Variants in SLC44A1 observed in about 807,000 individuals in gnomAD.
SLC44A1 encodes choline transporter-like protein 1.
SLC44A1 carries 26 observed loss-of-function variants against 79.3 expected under a neutral mutation model. The observed-to-expected ratio is 0.33, with a 90% confidence interval of 0.24 to 0.46. The LOEUF is 0.46. Among genes scored for constraint, SLC44A1 ranks in the 20% least tolerant of loss-of-function variants. SLC44A1 has a pLI of 1.00. For synonymous variants in SLC44A1, 263 were observed against 286.2 expected (o/e 0.92, Z 0.82); for missense variants, 688 against 798.1 (o/e 0.86, Z 1.66).
At chr9:105,301,884 C>A (rs1284673755) in intron 2 of SLC44A1, among the ~76,000 whole-genome samples, 1 of 152,180 alleles carries the variant, frequency 6.6e-6, no homozygotes, top group Non-Finnish European at 1.5e-5. Flanking sequence ...TCTTAGTAAT[C>A]TTGCAGCCTG....
chr9:105,314,712 T>A (rs577089363), intron 3 of SLC44A1, among the ~76,000 whole-genome samples: 47 of 152,324 alleles, frequency 3.1e-4, no homozygotes, highest in African/African-American at 1.0e-3. Flanking sequence ...CGGAGGATGA[T>A]AGCATCTATG....
chr9:105,355,218 C>A (rs537371575), intron 5 of SLC44A1, among the ~76,000 whole-genome samples: 44 of 152,278 alleles, frequency 2.9e-4, no homozygotes, highest in African/African-American at 1.0e-3. Flanking sequence ...ATTCGTAGTT[C>A]TTTGCTTAAA....
chr9:105,314,577 C>T (rs1831269231), intron 3 of SLC44A1, among the ~76,000 whole-genome samples: 1 of 152,052 alleles, frequency 6.6e-6, no homozygotes, highest in Admixed American at 6.6e-5. Flanking sequence ...TCTTTTTTAT[C>T]TTCTTGTCTT....
chr9:105,362,648 A>G (rs1381071881), intron 8 of SLC44A1, among the ~76,000 whole-genome samples, 173 bp from the exon 9 acceptor site: 1 of 152,244 alleles, frequency 6.6e-6, no homozygotes, highest in African/African-American at 2.4e-5. Context: ...TAACCATAAT[A>G]TAAAATTGAC....
chr9:105,278,227 AT>A (rs112367294), intron 1 of SLC44A1, among the ~76,000 whole-genome samples: 1 of 150,190 alleles, frequency 6.7e-6, no homozygotes, highest in South Asian at 2.1e-4. Context: ...CGCCTGGCTA[AT>A]TTTTTTTTCT....
intron 4 of SLC44A1, among the ~76,000 whole-genome samples, chr9:105,340,182 A>T (rs896224348): frequency 1.3e-5 from 2 of 152,260 alleles, no homozygotes; most frequent in East Asian, 3.8e-4. Context: ...ACAGTCAATT[A>T]TATGTTATGC....
chr9:105,341,044 T>C (rs1827071119), intron 4 of SLC44A1, among the ~76,000 whole-genome samples: 1 of 152,042 alleles, frequency 6.6e-6, no homozygotes, highest in Admixed American at 6.6e-5. Context: ...AATATAAAAA[T>C]GTGAGGGCTG....
chr9:105,410,033 A>G (rs1829075253), intron 15 of SLC44A1, among the ~76,000 whole-genome samples: 1 of 152,224 alleles, frequency 6.6e-6, no homozygotes, highest in African/African-American at 2.4e-5. Flanking sequence ...TGAAATTAGA[A>G]ATAAATAACA....
intron 1 of SLC44A1, among the ~76,000 whole-genome samples, chr9:105,278,564 A>G (rs1830269642): frequency 6.6e-6 from 1 of 151,670 alleles, no homozygotes; most frequent in Admixed American, 6.6e-5. Context: ...AATTTTTAGT[A>G]GAGACTGGGT....
chr9:105,279,312 GA>G lies in SLC44A1; in HGVS notation c.37-19904del, dbSNP rs1484515232. On this transcript the variant is annotated intron_variant, in intron 1 of 15. Coordinates refer to ENST00000374720, the MANE Select transcript of SLC44A1 (RefSeq NM_080546.5). ...TTAAGCCATTTTAAAACTAGGAAAAGAAAACTTTTTTTTTTTTTTTTTTGAG... is the reference window on the plus strand; with the variant it reads ...TTAAGCCATTTTAAAACTAGGAAAAGAAACTTTTTTTTTTTTTTTTTTGAG... 7.5e-4 allele frequency among the ~76,000 whole-genome samples: 110 copies of G among 147,028 alleles called. No individual in the cohort carries two copies. In the East Asian group the frequency reaches 0.022, roughly 29 times the overall value.
At chr9:105,404,067 A>G (rs1828995766) in intron 15 of SLC44A1, among the ~76,000 whole-genome samples, 1 of 151,924 alleles carries the variant, frequency 6.6e-6, no homozygotes, top group African/African-American at 2.4e-5. Flanking sequence ...TGAAGAGACC[A>G]TTGTAAATAT....
rs140060907 is a variant in SLC44A1, at chr9:105,383,298, T to C, written c.1808T>C (p.Ile603Thr). The C allele has an allele frequency of 1.1e-5, 17 of 1,613,710 alleles. No homozygotes were observed. The highest frequency in any genetic ancestry group is 4.0e-5 in the African/African-American group (3 of 74,922). Reference sequence around the variant, plus strand: ...GATGTATTATTCTTGTGTTTTGCCATTGATACAAAATACAATGATGGGAGC... The same window carrying C: ...GATGTATTATTCTTGTGTTTTGCCACTGATACAAAATACAATGATGGGAGC... The part of the protein sequence containing the change: ...VVDVLFLCFA[I>T]DTKYNDGSPG... The change falls in exon 14 of 16, where the codon ATT (isoleucine) becomes ACT (threonine). Residue 603 changes from isoleucine (I) to threonine (T), a missense_variant. By Grantham distance (89) the Ile-to-Thr change is moderately conservative (BLOSUM62 -1). Coordinates refer to ENST00000374720, the MANE Select transcript of SLC44A1 (RefSeq NM_080546.5).
chr9:105,292,512 G>A (rs1330724493), intron 1 of SLC44A1, among the ~76,000 whole-genome samples: 5 of 152,132 alleles, frequency 3.3e-5, no homozygotes, highest in Non-Finnish European at 5.9e-5. Flanking sequence ...ATTTCTGGGT[G>A]TAATAATTCT....
chr9:105,408,471 A>G (rs56139901), intron 15 of SLC44A1, among the ~76,000 whole-genome samples: 49 of 152,224 alleles, frequency 3.2e-4, no homozygotes, highest in African/African-American at 1.1e-3. Flanking sequence ...GTGTAGTGGC[A>G]TGATCTCAGC....
chr9:105,379,838 T>G (rs1828407393), intron 13 of SLC44A1, among the ~76,000 whole-genome samples: 2 of 152,232 alleles, frequency 1.3e-5, no homozygotes, highest in Non-Finnish European at 2.9e-5. Flanking sequence ...TTTGCTTCTG[T>G]GTGAAATTAC....
chr9:105,403,080 A>C (rs574672188), intron 15 of SLC44A1, among the ~76,000 whole-genome samples: 9 of 145,464 alleles, frequency 6.2e-5, no homozygotes, highest in Non-Finnish European at 1.0e-4. Context: ...TCAGACTCCC[A>C]AAGTGCTGAG....
At chr9:105,321,864 A>C (rs1826403991) in intron 3 of SLC44A1, among the ~76,000 whole-genome samples, 2 of 152,030 alleles carry the variant, frequency 1.3e-5, no homozygotes, top group South Asian at 4.1e-4. Context: ...GAGTAGTCTT[A>C]ATATAGTAAA....
intron 4 of SLC44A1, among the ~76,000 whole-genome samples, chr9:105,348,039 G>T (rs569637988): frequency 6.6e-6 from 1 of 152,040 alleles, no homozygotes; most frequent in South Asian, 2.1e-4. Context: ...AATAATACCT[G>T]CCTTACAGAA....
intron 1 of SLC44A1, among the ~76,000 whole-genome samples, chr9:105,297,259 A>G (rs1830748415): frequency 6.6e-6 from 1 of 152,174 alleles, no homozygotes; most frequent in African/African-American, 2.4e-5. Context: ...TTAGGAAGAA[A>G]TTGTTTTAAC....
Sources: allele counts gnomAD v4.1 joint callset (sites outside exome capture counted in the v4.1 genomes callset), GRCh38; gene constraint gnomAD v4.1.1; transcripts MANE v1.5; gene names NCBI Gene and HGNC (gene_info 2026-07-23, HGNC 2026-07-21).